Variants in ZNF177 observed in about 807,000 individuals in gnomAD.
ZNF177 encodes zinc finger protein 177.
Under a neutral mutation model 19.4 loss-of-function variants are expected in ZNF177, and 17 were observed. The ratio of observed to expected loss-of-function variants is 0.87; its 90% CI spans 0.60 to 1.31. The LOEUF is 1.31. ZNF177 is among the 40% of genes most tolerant of loss of function. The probability of loss-of-function intolerance (pLI) is 0.00; values close to 1 mark genes in which losing one functional copy is unlikely to be tolerated. For missense variants in ZNF177, 633 were observed against 561.8 expected, an observed-to-expected ratio of 1.13 and a Z score of -1.28; for synonymous variants, 220 against 188.7, an observed-to-expected ratio of 1.17 and a Z score of -1.36.
At chr19:9,377,507 A>G (rs1003505814) in intron 1 of ZNF177, among the ~76,000 whole-genome samples, 1 of 152,158 alleles carries the variant, frequency 6.6e-6, no homozygotes, top group Non-Finnish European at 1.5e-5. Context: ...GACACGGTAG[A>G]AGGTGTCAGA....
At chr19:9,368,034 C>A (rs1568380547) in intron 2 of ZNF177, among the ~76,000 whole-genome samples, 1 of 152,272 alleles carries the variant, frequency 6.6e-6, no homozygotes, top group East Asian at 1.9e-4. Context: ...GACTGGAATT[C>A]TTTCTTCTTT....
chr19:9,363,447 A>C (rs1318047031), intron 1 of ZNF177, among the ~76,000 whole-genome samples: 1 of 152,126 alleles, frequency 6.6e-6, no homozygotes, highest in Non-Finnish European at 1.5e-5. Context: ...ATATCTTGGG[A>C]TGCGCGTTAT....
At chr19:9,368,569 G>A (rs1278072898) in intron 2 of ZNF177, among the ~76,000 whole-genome samples, 1 of 151,980 alleles carries the variant, frequency 6.6e-6, no homozygotes, top group African/African-American at 2.4e-5. Context: ...CGTATTTTCT[G>A]CTCTTCCCGT....
At chr19:9,380,456 TG>T in intron 5 of ZNF177, 2 of 945,758 alleles carry the variant, frequency 2.1e-6, no homozygotes, top group Non-Finnish European at 1.5e-6. Context: ...AGCCCTTTGC[TG>T]GGAAGGAATA....
At chr19:9,363,794 A>G (rs2067939457) in intron 1 of ZNF177, among the ~76,000 whole-genome samples, 1 of 152,124 alleles carries the variant, frequency 6.6e-6, no homozygotes, top group Non-Finnish European at 1.5e-5. Context: ...ATGAATAAGA[A>G]CTTTATTCTC....
At chr19:9,364,976 T>G (rs975905526) in intron 2 of ZNF177, 28 bp downstream of exon 2, 2 of 152,200 alleles carry the variant, frequency 1.3e-5, no homozygotes, top group African/African-American at 2.4e-5. Flanking sequence ...CAATAATTAC[T>G]GCTAATGTTT....
intron 1 of ZNF177, among the ~76,000 whole-genome samples, chr19:9,378,051 G>T (rs1277726302): frequency 2.6e-5 from 4 of 152,038 alleles, no homozygotes; most frequent in Admixed American, 1.3e-4. Context: ...CTTTTTAGTG[G>T]TTCAGGCTAG....
intron 2 of ZNF177, among the ~76,000 whole-genome samples, chr19:9,365,521 A>AAGGGGGTC (rs1469678701): frequency 6.6e-6 from 1 of 151,920 alleles, no homozygotes; most frequent in Admixed American, 6.6e-5. Context: ...ACATGGAGAG[A>AAGGGGGTC]AGGGGGTCAG....
Position 9,380,666 on chromosome 19 carries a change from A to T in ZNF177, c.337-2A>T. 6.5e-7 allele frequency: 1 copy of T among 1,535,670 alleles called. No individual in the cohort carries two copies. The highest frequency in any genetic ancestry group is 1.2e-5 in the South Asian group (1 of 83,968). On this transcript the variant is annotated splice_acceptor_variant, in intron 5 of 5. Coordinates refer to ENST00000589262, the Ensembl canonical transcript of ZNF177. LOFTEE classifies it high-confidence loss of function. The stretch of plus-strand genomic sequence containing the variant: ...AGTCACCACTTACTCCCTTTTCAAC[A>T]GGCAGAAAATCAACCTGGTGAGCAC...
chr19:9,379,944 A>G, intron 4 of ZNF177, 113 bp from the exon 7 acceptor site: 1 of 1,246,508 alleles, frequency 8.0e-7, no homozygotes, highest in Non-Finnish European at 1.1e-6. Flanking sequence ...TCTTTCTTAC[A>G]TTTCTCTACT....
At chr19:9,363,574 A>G (rs1024525435) in intron 1 of ZNF177, among the ~76,000 whole-genome samples, 1 of 151,706 alleles carries the variant, frequency 6.6e-6, no homozygotes, top group African/African-American at 2.4e-5. Flanking sequence ...GTATTTGTGG[A>G]CTTAGGTCTT....
rs1215423157 is a variant in ZNF177, at chr19:9,370,397, GTGGT to G, written c.-304-1207_-304-1204del. 1.3e-4 allele frequency among the ~76,000 whole-genome samples: 20 copies of G among 151,362 alleles called. No individual in the cohort carries two copies. In the South Asian group the frequency reaches 4.0e-3, roughly 30 times the overall value. ...ACCTAGTACAATAAGTGTTATGTAAGTGGTTGGTTTGTTTTTTTTTTGTTTTTTT... is the reference window on the plus strand; with the variant it reads ...ACCTAGTACAATAAGTGTTATGTAAGTGGTTTGTTTTTTTTTTGTTTTTTT... On this transcript the variant is annotated intron_variant, in intron 2 of 8. Transcript: ENST00000343499.
chr19:9,379,660 G>C (rs772290169), intron 4 of ZNF177, 41 bp downstream of exon 6: 4 of 1,599,208 alleles, frequency 2.5e-6, no homozygotes, highest in Non-Finnish European at 2.6e-6. Flanking sequence ...TGGCCAGTGA[G>C]GGTTAGTACA....
rs77546369 is a variant in ZNF177 at position 9,379,284 on chromosome 19, G to T, written c.160+196G>T. 11,070 of 1,131,592 alleles carry T rather than the reference G, an allele frequency of 9.8e-3. 71 individuals carry two copies. Among genetic ancestry groups the T allele is most frequent in the African/African-American group, 0.028 (1,791 of 63,586 alleles). The allele number at this position is 1,131,592 out of a possible 1,614,324, so 70.1% of individuals were successfully genotyped here. A position where few individuals can be genotyped will look rare whatever the true frequency, so the allele number is the denominator to read the frequency against. ...ATTTTCTCTATCACTAATAGCTTAA[G>T]GTAATTTGCAATCTGTGTCTCATCT... On this transcript the variant is annotated intron_variant, in intron 3 of 5. Coordinates refer to ENST00000589262, the Ensembl canonical transcript of ZNF177.
upstream of ZNF177, among the ~76,000 whole-genome samples, chr19:9,372,341 C>G (rs1568381959): frequency 6.6e-6 from 1 of 152,036 alleles, no homozygotes; most frequent in Non-Finnish European, 1.5e-5. Context: ...GGGTACAGTT[C>G]CTTGCTTCAC....
At chr19:9,365,188 G>C (rs1230012963) in intron 2 of ZNF177, among the ~76,000 whole-genome samples, 1 of 152,132 alleles carries the variant, frequency 6.6e-6, no homozygotes, top group East Asian at 1.9e-4. Context: ...AGTTTGTGTT[G>C]TGAGAGGTCT....
Position 9,380,156 on chromosome 19 carries a change from A to G in ZNF177, c.336+17A>G. The G allele has an allele frequency of 1.3e-6, 2 of 1,596,130 alleles. No individual in the cohort carries two copies. Among genetic ancestry groups the G allele is most frequent in the Non-Finnish European group, 1.7e-6 (2 of 1,175,172 alleles). ...ATAAACACGGTAAGACTTACTAGGA[A>G]GTATTCCTGGTCTTTGTAGTAGAAG... On this transcript the variant is annotated intron_variant, in intron 5 of 5. Transcript: ENST00000589262.
chr19:9,363,487 CCT>C (rs750481516), intron 1 of ZNF177, among the ~76,000 whole-genome samples: 15 of 152,028 alleles, frequency 9.9e-5, no homozygotes, highest in African/African-American at 3.1e-4. Flanking sequence ...CTTTTTTTCC[CCT>C]CTGTTATGTG....
intron 2 of ZNF177, among the ~76,000 whole-genome samples, chr19:9,368,406 A>G (rs965608396): frequency 1.8e-4 from 28 of 152,088 alleles, no homozygotes; most frequent in Non-Finnish European, 4.0e-4. Context: ...TTTGAATTTG[A>G]TTAAAGTTAT....
Sources: allele counts gnomAD v4.1 joint callset (sites outside exome capture counted in the v4.1 genomes callset), GRCh38; gene constraint gnomAD v4.1.1; transcripts MANE v1.5; gene names NCBI Gene and HGNC (gene_info 2026-07-23, HGNC 2026-07-21).